The following KIF21A variants were observed in gnomAD, a reference collection of about 807,000 sequenced individuals.
KIF21A encodes kinesin family member 21A.
Under a neutral mutation model 202.9 loss-of-function variants are expected in KIF21A, and 114 were observed. That is an observed-to-expected ratio of 0.56 (90% confidence interval 0.48 to 0.66). KIF21A has a LOEUF of 0.66. Ranked by LOEUF, KIF21A falls within the 30% of genes least tolerant of loss-of-function variation. The pLI is 0.00. For synonymous variants in KIF21A, 667 were observed against 670.8 expected, an observed-to-expected ratio of 0.99 and a Z score of 0.09; for missense variants, 1,677 against 1,994.9, an observed-to-expected ratio of 0.84 and a Z score of 3.04.
At chr12:39,300,494 G>A (rs1942862154) in intron 37 of KIF21A, among the ~76,000 whole-genome samples, 1 of 151,940 alleles carries the variant, frequency 6.6e-6, no homozygotes, top group Non-Finnish European at 1.5e-5. Flanking sequence ...ATAAAGTAAA[G>A]GCTTCAAAAT....
intron 27 of KIF21A, chr12:39,321,975 A>G (rs534559270): frequency 6.5e-6 from 1 of 152,750 alleles, no homozygotes; most frequent in East Asian, 1.9e-4. Context: ...ATACACACAC[A>G]GGACTATGTG....
At chr12:39,360,629 G>A (rs544701051) in intron 7 of KIF21A, among the ~76,000 whole-genome samples, 271 of 150,318 alleles carry the variant, frequency 1.8e-3, no homozygotes, top group African/African-American at 6.0e-3. Context: ...GTGACCTCAG[G>A]TTATCCGCCC....
At chr12:39,407,648 T>G (rs1952703248) in intron 1 of KIF21A, among the ~76,000 whole-genome samples, 1 of 152,172 alleles carries the variant, frequency 6.6e-6, no homozygotes. Flanking sequence ...AGAGGTTAGG[T>G]AACTTGCTCA....
chr12:39,416,906 T>TAC lies in KIF21A; in HGVS notation c.44+26019_44+26020dup, dbSNP rs113272244. On this transcript the variant is annotated intron_variant, in intron 1 of 37. Transcript: ENST00000361418. ...ATATATATATGTGTATATATATATG[T>TAC]ACACACACACACATATAAATAAAAA... is the stretch of plus-strand genomic sequence containing the variant. 2.5e-3 allele frequency among the ~76,000 whole-genome samples: 375 copies of TAC among 148,714 alleles called. 3 individuals are homozygous for TAC. Among genetic ancestry groups the TAC allele is most frequent in the African/African-American group, 8.3e-3 (338 of 40,636 alleles).
At chr12:39,296,496 T>C (rs949260416) in intron 37 of KIF21A, among the ~76,000 whole-genome samples, 1 of 152,022 alleles carries the variant, frequency 6.6e-6, no homozygotes, top group African/African-American at 2.4e-5. Context: ...CTATAGAGTA[T>C]ATTAGAAGGT....
At chr12:39,305,501 A>G (rs1943384713) in intron 34 of KIF21A, among the ~76,000 whole-genome samples, 2 of 152,108 alleles carry the variant, frequency 1.3e-5, no homozygotes, top group Admixed American at 6.5e-5. Flanking sequence ...CTCCCACCTC[A>G]ACTTCCCCAG....
rs1347793194 is a variant in KIF21A, at chr12:39,442,087, C to T, written c.44+840G>A. 6.6e-6 allele frequency among the ~76,000 whole-genome samples: 1 copy of T among 152,152 alleles called. No individual in the cohort carries two copies. The highest frequency in any genetic ancestry group is 2.4e-5 in the African/African-American group (1 of 41,418). ...GCCGAAATTACATCGAATACTCGTG[C>T]CTGTCATTGGCCGAAATATAATTTC... On this transcript the variant is annotated intron_variant, in intron 1 of 37. Transcript: ENST00000361418. This position sits in a 1 kb window ranked among gnomAD's most constrained non-coding sequence, Gnocchi z 5.0.
intron 34 of KIF21A, among the ~76,000 whole-genome samples, chr12:39,306,635 C>T (rs1337235698): frequency 6.6e-6 from 1 of 152,158 alleles, no homozygotes; most frequent in East Asian, 1.9e-4. Flanking sequence ...GGATGAGAGG[C>T]ACCCCATATT....
intron 24 of KIF21A, among the ~76,000 whole-genome samples, chr12:39,327,684 G>C (rs1946089905): frequency 6.6e-6 from 1 of 152,154 alleles, no homozygotes. Flanking sequence ...AGTCTGGCCA[G>C]AGCCCAGAGG....
chr12:39,435,770 G>A (rs1938604237), intron 1 of KIF21A, among the ~76,000 whole-genome samples: 1 of 152,066 alleles, frequency 6.6e-6, no homozygotes, highest in Admixed American at 6.6e-5. Context: ...ACCAAAGTGG[G>A]AGGAAGCAGG....
chr12:39,387,479 C>T (rs1951027198), intron 1 of KIF21A, among the ~76,000 whole-genome samples: 1 of 152,088 alleles, frequency 6.6e-6, no homozygotes, highest in Non-Finnish European at 1.5e-5. Flanking sequence ...TTTTCTACTG[C>T]CAGGATAAAA....
chr12:39,368,183 C>A, intron 3 of KIF21A, 151 bp from the exon 4 acceptor site: 3 of 598,768 alleles, frequency 5.0e-6, no homozygotes, highest in Non-Finnish European at 5.8e-6. Context: ...ATGAATGAGG[C>A]TATTATTATA....
In KIF21A at chr12:39,319,846, G is replaced by A. The variant is rs1945010210; in HGVS notation, c.3779+60C>T. 33 of 953,768 alleles carry A rather than the reference G, an allele frequency of 3.5e-5. 1 individual carries two copies. In the South Asian group the frequency reaches 4.4e-4, roughly 13 times the overall value. 59.1% of individuals were successfully genotyped at this position (953,768 alleles called of 1,614,324 possible). On this transcript the variant is annotated intron_variant, in intron 28 of 37. Coordinates refer to ENST00000361418, the MANE Select transcript of KIF21A (RefSeq NM_001173464.2). The stretch of plus-strand genomic sequence containing the variant: ...GAAAATAATTTCATGATTATCTTTA[G>A]CATCTAAGTGCAGCAGGCATTTAAT...
At chr12:39,335,354 G>A (rs11829042) in intron 17 of KIF21A, among the ~76,000 whole-genome samples, 155 of 147,360 alleles carry the variant, frequency 1.1e-3, no homozygotes, top group African/African-American at 3.6e-3. Context: ...GGAGGTTAGA[G>A]TGAGCCAAGA....
chr12:39,422,131 GTT>G (rs985412019), intron 1 of KIF21A, among the ~76,000 whole-genome samples: 2 of 140,444 alleles, frequency 1.4e-5, no homozygotes, highest in Non-Finnish European at 3.1e-5. Flanking sequence ...GCTAATTTTT[GTT>G]TTTTTTTTTA....
intron 1 of KIF21A, among the ~76,000 whole-genome samples, chr12:39,380,263 C>T (rs1472290211): frequency 3.9e-5 from 6 of 152,332 alleles, no homozygotes; most frequent in Middle Eastern, 3.4e-3. Flanking sequence ...CCACCGCTCC[C>T]GGCCTAACAA....
intron 17 of KIF21A, among the ~76,000 whole-genome samples, chr12:39,334,469 A>G (rs541309716): frequency 6.6e-6 from 1 of 152,286 alleles, no homozygotes; most frequent in East Asian, 1.9e-4. Flanking sequence ...ATTCCTTGAG[A>G]AAATGACTTT....
rs61733370 is a variant in KIF21A, at chr12:39,332,365, C to A, written c.2900G>T (p.Arg967Ile). 6.2e-7 allele frequency: 1 copy of A among 1,613,878 alleles called. No individual in the cohort carries two copies. The highest frequency in any genetic ancestry group is 1.3e-5 in the African/African-American group (1 of 74,888). ...ATTCTCCTTGACTATCTTCTCCCTT[C>A]TTTTTGAAAGTTTCTCTCGTCTTTT... Reference protein sequence around the residue: ...LTKRREKLSKRREKIVKENGE... With the variant: ...LTKRREKLSKIREKIVKENGE... Residue 967 changes from arginine to isoleucine, a missense_variant, in exon 21 of 38, where the codon AGA becomes ATA. Transcript: ENST00000361418.
At chr12:39,362,864 C>G (rs1385040044) in intron 7 of KIF21A, among the ~76,000 whole-genome samples, 1 of 152,172 alleles carries the variant, frequency 6.6e-6, no homozygotes, top group Non-Finnish European at 1.5e-5. Context: ...TCTCTAGATT[C>G]ATTTCCCTTA....
Sources: gnomAD v4.1 joint callset for allele counts (sites outside exome capture counted in the v4.1 genomes callset) on GRCh38, gnomAD v4.1.1 for gene constraint, Gnocchi (gnomAD v3.1) non-coding constraint, MANE v1.5 for transcripts, NCBI Gene and HGNC (gene_info 2026-07-23, HGNC 2026-07-21) for gene names.